Variants in ZRANB2 observed in about 807,000 individuals in gnomAD.
ZRANB2 encodes the protein zinc finger RANBP2-type containing 2, also known as zinc finger Ran-binding domain-containing protein 2.
ZRANB2 carries 19 observed loss-of-function variants against 53.4 expected under a neutral mutation model. The ratio of observed to expected loss-of-function variants is 0.36; its 90% CI spans 0.25 to 0.52. ZRANB2 has a LOEUF of 0.52. Among genes scored for constraint, ZRANB2 ranks in the 20% least tolerant of loss-of-function variants. ZRANB2 has a pLI of 0.93. For missense variants in ZRANB2, 309 were observed against 401.1 expected (o/e 0.77, Z 1.96); for synonymous variants, 145 against 134.8 (o/e 1.08, Z -0.52).
At chr1:71,077,346 A>T (rs1661731425) in intron 3 of ZRANB2, among the ~76,000 whole-genome samples, 1 of 152,180 alleles carries the variant, frequency 6.6e-6, no homozygotes, top group African/African-American at 2.4e-5. Context: ...CTTATGAAAA[A>T]ATATAACTTT....
chr1:71,081,010 G>A lies in ZRANB2; in HGVS notation c.-15C>T, dbSNP rs1232463752. On this transcript the variant is annotated 5_prime_UTR_variant, in exon 1 of 10. Transcript: ENST00000370920. ...TTGGTCGACATCTTGAACGCCACCA[G>A]CACAGCCACCCGCAGCTATGTCTTC... The A allele has an allele frequency of 2.5e-6, 4 of 1,614,062 alleles. No individual in the cohort carries two copies. Among genetic ancestry groups the A allele is most frequent in the Admixed American group, 1.7e-5 (1 of 60,006 alleles).
At chr1:71,065,329 T>C (rs1422837449) in intron 9 of ZRANB2, among the ~76,000 whole-genome samples, 192 bp from the exon 10 acceptor site, 4 of 152,100 alleles carry the variant, frequency 2.6e-5, no homozygotes, top group Admixed American at 6.6e-5. Context: ...AGTTATCATA[T>C]AAATACAATA....
At chr1:71,079,538 ACT>A in intron 1 of ZRANB2, among the ~76,000 whole-genome samples, 1 of 152,304 alleles carries the variant, frequency 6.6e-6, no homozygotes, top group African/African-American at 2.4e-5. Context: ...AAAGTGAAAC[ACT>A]CTAAATAATA....
chr1:71,078,616 T>C (rs1661764325), intron 2 of ZRANB2, 40 bp downstream of exon 2: 2 of 1,608,776 alleles, frequency 1.2e-6, no homozygotes, highest in African/African-American at 1.3e-5. Context: ...AAATAAATGA[T>C]ACATATACAG....
chr1:71,069,248 C>T (rs1308096012), intron 8 of ZRANB2, 28 bp downstream of exon 8: 1 of 1,566,858 alleles, frequency 6.4e-7, no homozygotes, highest in Non-Finnish European at 8.7e-7. Context: ...TTTCTCTCTG[C>T]TTTACAGAGA....
rs1661617429 is a variant in ZRANB2, at chr1:71,072,526, T to C, written c.324A>G (p.Glu108=). 1.2e-6 allele frequency: 2 copies of C among 1,607,634 alleles called. No homozygotes were observed. The highest frequency in any genetic ancestry group is 1.7e-6 in the Non-Finnish European group (2 of 1,175,302). Residue 108 remains glutamate, a synonymous_variant, in exon 5 of 10, where the codon GAA becomes GAG. Transcript: ENST00000370920. ...TTTCTATATATTCAACATTTTCTCT[T>C]TCATTAAAACCACCACCATATCCTT... ...ERTGYGGGFN[E]RENVEYIERE...
intron 8 of ZRANB2, chr1:71,067,139 T>C: frequency 2.4e-6 from 1 of 421,658 alleles, no homozygotes; most frequent in Non-Finnish European, 4.0e-6. Context: ...TTTGTCTCTT[T>C]AAAATTCTAT....
At chr1:71,074,204 A>G (rs746329480) in intron 4 of ZRANB2, among the ~76,000 whole-genome samples, 35 of 152,256 alleles carry the variant, frequency 2.3e-4, no homozygotes, top group African/African-American at 8.4e-4. Context: ...TCACCTAGGT[A>G]TCCCCAGCAC....
intron 9 of ZRANB2, chr1:71,065,532 A>G: frequency 1.6e-6 from 2 of 1,267,306 alleles, no homozygotes; most frequent in Non-Finnish European, 2.1e-6. Flanking sequence ...TAAGAAGTCT[A>G]TTATGTAAAA....
At chr1:71,067,377 A>C in intron 8 of ZRANB2, 1 of 215,942 alleles carries the variant, frequency 4.6e-6, no homozygotes, top group Non-Finnish European at 9.4e-6. Flanking sequence ...TATTCAACTC[A>C]TTAAACTGTT....
At position 71,065,511 on chromosome 1, in the gene ZRANB2, T is replaced by C. The variant is rs1661405334; in HGVS notation, c.930-374A>G. ...GACTAAACCAATCCCTGTGACACGGTGTAGAAAGTGTAAGAAGTCTATTAT... is the reference window on the plus strand; with the variant it reads ...GACTAAACCAATCCCTGTGACACGGCGTAGAAAGTGTAAGAAGTCTATTAT... On this transcript the variant is annotated intron_variant, in intron 9 of 9. Transcript: ENST00000370920. 2.0e-5 allele frequency among the ~76,000 whole-genome samples: 3 copies of C among 151,974 alleles called. No homozygotes were observed. In the South Asian group the frequency reaches 6.2e-4, roughly 31 times the overall value.
In ZRANB2 at chr1:71,078,618, C is replaced by T. The variant is rs1381480242; in HGVS notation, c.109+38G>A. On this transcript the variant is annotated intron_variant, in intron 2 of 9. Coordinates refer to ENST00000370920, the MANE Select transcript of ZRANB2 (RefSeq NM_203350.3). The stretch of plus-strand genomic sequence containing the variant: ...AACCTGGAGAAATAAATAAATGATA[C>T]ATATACAGTATAAATAGAATCTTCT... 5.0e-6 allele frequency: 8 copies of T among 1,608,192 alleles called. No individual in the cohort carries two copies. In the Admixed American group the frequency reaches 5.0e-5, roughly 10 times the overall value.
At chr1:71,076,771 A>C in intron 4 of ZRANB2, 24 bp downstream of exon 4, 1 of 1,540,976 alleles carries the variant, frequency 6.5e-7, no homozygotes, top group Non-Finnish European at 8.9e-7. Flanking sequence ...AAAATCATTT[A>C]GTTACAATGT....
intron 6 of ZRANB2, among the ~76,000 whole-genome samples, chr1:71,071,390 C>G (rs902256924): frequency 2.6e-5 from 4 of 152,154 alleles, no homozygotes; most frequent in Non-Finnish European, 5.9e-5. Context: ...TCTCTAGTAT[C>G]TCAATATACT....
intron 1 of ZRANB2, among the ~76,000 whole-genome samples, chr1:71,079,711 T>A (rs967233224): frequency 6.6e-6 from 1 of 152,218 alleles, no homozygotes; most frequent in Non-Finnish European, 1.5e-5. Context: ...GAGTCCTACC[T>A]CTGGGTGTGC....
chr1:71,067,663 C>T (rs1318830037), intron 8 of ZRANB2: 4 of 439,898 alleles, frequency 9.1e-6, no homozygotes, highest in Admixed American at 9.0e-5. Flanking sequence ...CACCTTTGGG[C>T]TTAAAATAAA....
chr1:71,070,839 C>A lies in ZRANB2; in HGVS notation c.671G>T (p.Arg224Met). 1 of 1,593,646 alleles carries A rather than the reference C, an allele frequency of 6.3e-7. No homozygotes were observed. Among genetic ancestry groups the A allele is most frequent in the Non-Finnish European group, 8.6e-7 (1 of 1,169,306 alleles). ...SSRSSSPSSS[R>M]SRSRSRSRSS... ...TGTACCCGTTTACCTGGACCTAGAC[C>A]TTGAACTTGAGGGGGAGGATGAGCG... The change falls in exon 7 of 10, where the codon AGG (arginine) becomes ATG (methionine). Residue 224 changes from arginine (R) to methionine (M), a missense_variant. This residue lies in a region of ZRANB2 where 211 missense variants were observed against 196.1 expected (regional missense o/e 1.08). Transcript: ENST00000370920.
chr1:71,080,538 A>G (rs1573064738), intron 1 of ZRANB2, among the ~76,000 whole-genome samples: 1 of 151,680 alleles, frequency 6.6e-6, no homozygotes, highest in African/African-American at 2.4e-5. Context: ...CGAGAAAGCA[A>G]TATTTTCCGT....
chr1:71,063,963 C>T lies in ZRANB2; in HGVS notation c.*1111G>A, dbSNP rs1006537749. The T allele has an allele frequency of 6.6e-6, 1 of 152,258 alleles. No homozygotes were observed. The highest frequency in any genetic ancestry group is 1.5e-5 in the Non-Finnish European group (1 of 67,850). 9.4% of individuals were successfully genotyped at this position (152,258 alleles called of 1,614,324 possible). A position where few individuals can be genotyped will look rare whatever the true frequency, so the allele number is the denominator to read the frequency against. Reference sequence around the variant, plus strand: ...TCACTGGAAATACTGTTAAGAGAAACCTTTTTATTTTTTAAACCAGAAAAC... The same window carrying T: ...TCACTGGAAATACTGTTAAGAGAAATCTTTTTATTTTTTAAACCAGAAAAC... On this transcript the variant is annotated 3_prime_UTR_variant, in exon 10 of 10. Coordinates refer to ENST00000370920, the MANE Select transcript of ZRANB2 (RefSeq NM_203350.3).
Sources: gnomAD v4.1 joint callset for allele counts (sites outside exome capture counted in the v4.1 genomes callset) on GRCh38, gnomAD v4.1.1 for gene constraint, gnomAD v4.1.1 regional missense constraint, MANE v1.5 for transcripts, NCBI Gene and HGNC (gene_info 2026-07-23, HGNC 2026-07-21) for gene names.